Variants in RNF213 observed in about 807,000 individuals in gnomAD.
RNF213 encodes the protein E3 ubiquitin-protein ligase RNF213.
Under a neutral mutation model 514.4 loss-of-function variants are expected in RNF213, and 341 were observed. The ratio of observed to expected loss-of-function variants is 0.66; its 90% CI spans 0.61 to 0.73. The LOEUF (loss-of-function observed/expected upper bound fraction) is 0.73, where lower values mean the gene tolerates loss of function less well. RNF213 is among the 30% of genes least tolerant of loss of function. The pLI is 0.00. For synonymous variants in RNF213, 2,655 were observed against 2,658.2 expected (o/e 1.00, Z 0.04); for missense variants, 5,767 against 6,615.6 (o/e 0.87, Z 4.45).
At chr17:80,374,359 A>G in intron 49 of RNF213, 99 bp from the exon 50 acceptor site, 1 of 1,533,660 alleles carries the variant, frequency 6.5e-7, no homozygotes, top group East Asian at 2.3e-5. Context: ...CTGCCTTTAA[A>G]CCTCGAATGA....
intron 22 of RNF213, 75 bp from the exon 23 acceptor site, chr17:80,336,086 G>A: frequency 1.6e-6 from 2 of 1,229,574 alleles, no homozygotes; most frequent in African/African-American, 1.5e-5. Context: ...GCTTCAGTAA[G>A]GATTACTGCC....
rs547345073 is a variant in RNF213, at chr17:80,330,598, C to A, written c.3518-1408C>A. On this transcript the variant is annotated intron_variant, in intron 20 of 67. Transcript: ENST00000582970. Reference sequence around the variant, plus strand: ...CTCCTGTGTTTCACACCCCATCCTCCTTCCCCCTGAGATTGGATAATTCAT... The same window carrying A: ...CTCCTGTGTTTCACACCCCATCCTCATTCCCCCTGAGATTGGATAATTCAT... 1.2e-3 allele frequency among the ~76,000 whole-genome samples: 180 copies of A among 152,336 alleles called. 1 individual carries two copies. The highest frequency in any genetic ancestry group is 4.1e-3 in the African/African-American group (170 of 41,566).
chr17:80,346,172 C>T lies in RNF213; in HGVS notation c.7837C>T (p.Arg2613Cys), dbSNP rs1468761957. The T allele has an allele frequency of 7.4e-6, 12 of 1,614,012 alleles. No individual in the cohort carries two copies. Among genetic ancestry groups the T allele is most frequent in the East Asian group, 2.2e-5 (1 of 44,898 alleles). Residue 2613 changes from arginine (R) to cysteine (C), a missense_variant, in exon 29 of 68, where the codon CGC (arginine) becomes TGC (cysteine). By Grantham distance (180) the Arg-to-Cys change is radical. Around this residue, in one of 13 missense-constraint regions of RNF213, gnomAD observed 1,377 missense variants for 1,635.2 expected, o/e 0.84. Transcript: ENST00000582970. This position sits in a 1 kb window ranked among gnomAD's most constrained non-coding sequence, Gnocchi z 8.1. ...CATCAGCCTAGATGAAAACGGGACTCGCGTGATCACAGAAGTCCTCTGCGC... is the reference window on the plus strand; with the variant it reads ...CATCAGCCTAGATGAAAACGGGACTTGCGTGATCACAGAAGTCCTCTGCGC... ...ESISLDENGT[R>C]VITEVLCASQ...
In RNF213 at chr17:80,325,026, G is replaced by T; in HGVS notation, c.3025-4G>T. On this transcript the variant is annotated splice_region_variant and splice_polypyrimidine_tract_variant and intron_variant, in intron 17 of 67. Coordinates refer to ENST00000582970, the MANE Select transcript of RNF213 (RefSeq NM_001256071.3). ...ATGTCCCTCTTTTATTAATTTTCTT[G>T]TAGTCTCAGACCAGTATCCTTCAGG... is the stretch of plus-strand genomic sequence containing the variant. The T allele has an allele frequency of 6.5e-7, 1 of 1,536,522 alleles. No homozygotes were observed. Among genetic ancestry groups the T allele is most frequent in the Non-Finnish European group, 8.7e-7 (1 of 1,146,564 alleles).
intron 32 of RNF213, chr17:80,352,681 G>A (rs753707535): frequency 1.4e-4 from 88 of 629,222 alleles, no homozygotes; most frequent in Non-Finnish European, 2.1e-4. Context: ...TTATCCATGC[G>A]TCCTTCCCAC....
chr17:80,265,830 C>T (rs928500566), intron 2 of RNF213, among the ~76,000 whole-genome samples: 1 of 152,068 alleles, frequency 6.6e-6, no homozygotes, highest in African/African-American at 2.4e-5. Context: ...AGCATGTTTG[C>T]AGGCCAAGGT....
chr17:80,297,053 T>C (rs565547916), intron 10 of RNF213, among the ~76,000 whole-genome samples: 2 of 152,198 alleles, frequency 1.3e-5, no homozygotes, highest in South Asian at 4.1e-4. Context: ...GCAAAGGCAA[T>C]GTACAGAGTT....
At chr17:80,385,015 A>G in intron 59 of RNF213, 24 bp from the exon 60 acceptor site, 1 of 1,605,876 alleles carries the variant, frequency 6.2e-7, no homozygotes, top group South Asian at 1.1e-5. Flanking sequence ...AAAAATTGTT[A>G]CTGGGTGGTC....
intron 10 of RNF213, among the ~76,000 whole-genome samples, chr17:80,296,038 C>G (rs1046709372): frequency 2.0e-5 from 3 of 151,998 alleles, no homozygotes; most frequent in Non-Finnish European, 2.9e-5. Context: ...GTTTTCCCCC[C>G]AGACGGCGTC....
chr17:80,289,687 T>C lies in RNF213; in HGVS notation c.962T>C (p.Met321Thr), dbSNP rs17853989. The change falls in exon 6 of 68, where the codon ATG becomes ACG. Residue 321 changes from methionine to threonine, a missense_variant. Around this residue, in one of 13 missense-constraint regions of RNF213, gnomAD observed 509 missense variants for 496.7 expected, o/e 1.02. Coordinates refer to ENST00000582970, the MANE Select transcript of RNF213 (RefSeq NM_001256071.3). ...GCTGAGACCAAGACCAAGGACGAGA[T>C]GGCTGCTGCTGAAGAAAAAGTCGGT... ...QEAETKTKDE[M>T]AAAEEKVGKN... 320,774 of 1,612,936 alleles carry C rather than the reference T, an allele frequency of 0.2. 34,828 individuals are homozygous for C. Among genetic ancestry groups the C allele is most frequent in the African/African-American group, 0.41 (30,649 of 74,608 alleles).
chr17:80,398,303 G>T lies in RNF213; in HGVS notation c.*4805G>T, dbSNP rs1011391439. The T allele has an allele frequency of 2.6e-5, 4 of 152,062 alleles. No individual in the cohort carries two copies. Among genetic ancestry groups the T allele is most frequent in the Non-Finnish European group, 4.4e-5 (3 of 68,006 alleles). The allele number at this position is 152,062 out of a possible 1,614,324, so 9.4% of individuals were successfully genotyped here. On this transcript the variant is annotated 3_prime_UTR_variant, in exon 68 of 68. Transcript: ENST00000582970. ...TTGTTTTGTGGTATGCGTGTAGGGT[G>T]AGCGTAATGTTTTGTCTTGAAGAAG...
chr17:80,371,143 T>C (rs1255588335), intron 46 of RNF213, among the ~76,000 whole-genome samples: 2 of 152,238 alleles, frequency 1.3e-5, no homozygotes, highest in Non-Finnish European at 2.9e-5. Context: ...AAAAAATCTA[T>C]TTAAAGTATG....
intron 54 of RNF213, among the ~76,000 whole-genome samples, chr17:80,378,843 C>G (rs372675937): frequency 6.6e-6 from 1 of 152,066 alleles, no homozygotes; most frequent in Non-Finnish European, 1.5e-5. Context: ...GAAAAATAAG[C>G]CTTTGGAAGT....
At chr17:80,325,710 CAAG>C (rs1316178697) in intron 18 of RNF213, among the ~76,000 whole-genome samples, 1 of 151,708 alleles carries the variant, frequency 6.6e-6, no homozygotes, top group East Asian at 1.9e-4. Context: ...GTTTTGTGGT[CAAG>C]GAGGGAGAGA....
intron 11 of RNF213, among the ~76,000 whole-genome samples, chr17:80,302,124 C>T (rs947191704): frequency 1.3e-5 from 2 of 151,936 alleles, no homozygotes; most frequent in Non-Finnish European, 2.9e-5. Context: ...TTACGAGAGG[C>T]GAGGAAGGAT....
intron 60 of RNF213, 63 bp from the exon 61 acceptor site, chr17:80,385,475 G>A: frequency 2.9e-6 from 4 of 1,380,310 alleles, no homozygotes; most frequent in Non-Finnish European, 4.1e-6. Context: ...ATGTAACTAG[G>A]GTGGTTTGGC....
At position 80,343,295 on chromosome 17, in the gene RNF213, C is replaced by G. The variant is rs141675700; in HGVS notation, c.6153C>G (p.Pro2051=). 25 of 1,612,968 alleles carry G rather than the reference C, an allele frequency of 1.5e-5. 1 individual carries two copies. In the South Asian group the frequency reaches 2.4e-4, roughly 16 times the overall value. Reference sequence around the variant, plus strand: ...TGGATGCGCAGTATCAGAAGGTCCCCGTGCTCTTTCACCTGGACGTGACCT... The same window carrying G: ...TGGATGCGCAGTATCAGAAGGTCCCGGTGCTCTTTCACCTGGACGTGACCT... ...PFLDAQYQKV[P]VLFHLDVTSS... is the part of the protein sequence containing the mutation. The change falls in exon 27 of 68, where the codon CCC becomes CCG. Residue 2051 remains proline (P), a synonymous_variant. Coordinates refer to ENST00000582970, the MANE Select transcript of RNF213 (RefSeq NM_001256071.3). This position sits in a 1 kb window ranked among gnomAD's most constrained non-coding sequence, Gnocchi z 4.3.
chr17:80,299,460 AAT>A (rs536187037), intron 11 of RNF213, among the ~76,000 whole-genome samples: 254 of 152,322 alleles, frequency 1.7e-3, no homozygotes, highest in African/African-American at 5.6e-3. Flanking sequence ...GAATATTGGC[AAT>A]ATATATAATC....
At chr17:80,387,020 C>A in intron 63 of RNF213, 129 bp downstream of exon 63, 1 of 905,000 alleles carries the variant, frequency 1.1e-6, no homozygotes. Context: ...CTCCCTCACA[C>A]CTGCAGCTCC....
Sources: allele counts gnomAD v4.1 joint callset (sites outside exome capture counted in the v4.1 genomes callset), GRCh38; gene constraint gnomAD v4.1.1; regional missense constraint gnomAD v4.1.1; non-coding constraint Gnocchi (gnomAD v3.1); transcripts MANE v1.5; gene names NCBI Gene and HGNC (gene_info 2026-07-23, HGNC 2026-07-21).